ISM1: variants seen among roughly 807,000 people sequenced by gnomAD.
The protein encoded by ISM1 is isthmin-1.
In ISM1, 25 loss-of-function variants were observed where a neutral mutation model predicts 46.3. The observed-to-expected ratio is 0.54, with a 90% CI of 0.39 to 0.75. The LOEUF (loss-of-function observed/expected upper bound fraction) is 0.75, where lower values mean the gene tolerates loss of function less well. Ranked by LOEUF, ISM1 falls within the 30% of genes least tolerant of loss-of-function variation. ISM1 has a pLI of 0.00. For missense variants in ISM1, 536 were observed against 625.4 expected (o/e 0.86, Z 1.52); for synonymous variants, 255 against 256.7 (o/e 0.99, Z 0.06).
At chr20:13,246,212 G>T (rs1049740212) in intron 1 of ISM1, among the ~76,000 whole-genome samples, 10 of 151,418 alleles carry the variant, frequency 6.6e-5, no homozygotes, top group African/African-American at 2.4e-4. Context: ...GGCGGAGGTT[G>T]CAGTGAGCCA....
At chr20:13,297,950 A>T (rs2040422389) in intron 5 of ISM1, among the ~76,000 whole-genome samples, 1 of 152,162 alleles carries the variant, frequency 6.6e-6, no homozygotes, top group Admixed American at 6.5e-5. Context: ...GTGAATTTGC[A>T]GACAGCGATG....
At position 13,292,395 on chromosome 20, in the gene ISM1, C is replaced by T; in HGVS notation, c.809C>T (p.Thr270Ile). ...NCPGIEDTFR[T>I]AATEVSLLAG... ...TTAGGAATTGAAGACACTTTTAGGA[C>T]AGCTGCCACCGAAGTGAGTCTGCTT... Residue 270 changes from threonine to isoleucine, a missense_variant, in exon 5 of 6, where the codon ACA becomes ATA. By Grantham distance (89) the Thr-to-Ile change is moderately conservative. Around this residue, in one of 2 missense-constraint regions of ISM1, gnomAD observed 367 missense variants for 376.1 expected, o/e 0.98. Transcript: ENST00000262487. The T allele has an allele frequency of 6.2e-7, 1 of 1,604,968 alleles. No homozygotes were observed. Among genetic ancestry groups the T allele is most frequent in the South Asian group, 1.1e-5 (1 of 88,880 alleles).
intron 1 of ISM1, among the ~76,000 whole-genome samples, chr20:13,242,760 T>C (rs1024814582): frequency 6.6e-6 from 1 of 152,156 alleles, no homozygotes; most frequent in Non-Finnish European, 1.5e-5. Flanking sequence ...ACTTGAGCCT[T>C]GATAGGTGAG....
chr20:13,317,814 G>A, the ISM1 span, among the ~76,000 whole-genome samples: 1 of 152,024 alleles, frequency 6.6e-6, no homozygotes, highest in African/African-American at 2.4e-5. Context: ...AGACCTAAAT[G>A]TGAAACATAA....
chr20:13,247,746 G>T (rs1008824740), intron 1 of ISM1, among the ~76,000 whole-genome samples: 2 of 152,152 alleles, frequency 1.3e-5, no homozygotes, highest in African/African-American at 4.8e-5. Flanking sequence ...ACCTGACCAC[G>T]ACAGGAAGTG....
chr20:13,312,630 C>T, the ISM1 span, among the ~76,000 whole-genome samples: 1 of 152,190 alleles, frequency 6.6e-6, no homozygotes, highest in Non-Finnish European at 1.5e-5. Flanking sequence ...TGCTCTCCTG[C>T]CTCTGGGGCC....
At chr20:13,266,523 T>C (rs1240976027) in intron 1 of ISM1, among the ~76,000 whole-genome samples, 2 of 152,122 alleles carry the variant, frequency 1.3e-5, no homozygotes, top group African/African-American at 2.4e-5. Context: ...TGCTGCAGCA[T>C]TGTCAATGTT....
intron 5 of ISM1, among the ~76,000 whole-genome samples, chr20:13,297,322 G>T (rs2123333738): frequency 6.6e-6 from 1 of 152,256 alleles, no homozygotes; most frequent in Middle Eastern, 3.4e-3. Context: ...TCTCTATGCG[G>T]TTTCCCAGAT....
At chr20:13,264,098 C>T (rs1166405142) in intron 1 of ISM1, among the ~76,000 whole-genome samples, 12 of 152,134 alleles carry the variant, frequency 7.9e-5, no homozygotes, top group Admixed American at 2.6e-4. Flanking sequence ...TTATCATCAA[C>T]TAGTACTTAT....
intron 1 of ISM1, among the ~76,000 whole-genome samples, chr20:13,255,473 A>C (rs2039916708): frequency 6.6e-6 from 1 of 152,188 alleles, no homozygotes; most frequent in African/African-American, 2.4e-5. Flanking sequence ...TATATGGTAG[A>C]GAAGTAATGA....
At chr20:13,268,252 C>T (rs192075823) in intron 1 of ISM1, among the ~76,000 whole-genome samples, 61 of 151,072 alleles carry the variant, frequency 4.0e-4, no homozygotes, top group African/African-American at 1.3e-3. Flanking sequence ...CTTCTCTTCA[C>T]TCCTCTTCTC....
chr20:13,260,386 A>G (rs988207813), intron 1 of ISM1, among the ~76,000 whole-genome samples: 4 of 152,234 alleles, frequency 2.6e-5, no homozygotes, highest in Admixed American at 1.3e-4. Flanking sequence ...TTACCAAAAA[A>G]GCACCTGTCA....
intron 1 of ISM1, among the ~76,000 whole-genome samples, chr20:13,223,636 T>C (rs1455332109): frequency 6.6e-6 from 1 of 152,212 alleles, no homozygotes; most frequent in Non-Finnish European, 1.5e-5. Context: ...GAGACATTTC[T>C]AAAAATGTCC....
chr20:13,277,416 T>TCTACAGG (rs199593342), intron 2 of ISM1, among the ~76,000 whole-genome samples: 3 of 92,704 alleles, frequency 3.2e-5, no homozygotes, highest in African/African-American at 1.3e-4. Flanking sequence ...CTCAGTTCCC[T>TCTACAGG]CAGATGGGGC....
At chr20:13,283,848 A>G (rs1218556947) in intron 3 of ISM1, among the ~76,000 whole-genome samples, 3 of 152,198 alleles carry the variant, frequency 2.0e-5, no homozygotes, top group Non-Finnish European at 4.4e-5. Context: ...AATAGATTTC[A>G]CAGTGATTTT....
At chr20:13,325,186 G>A in the ISM1 span, among the ~76,000 whole-genome samples, 5 of 152,190 alleles carry the variant, frequency 3.3e-5, no homozygotes, top group African/African-American at 1.2e-4. Flanking sequence ...GGATGGCCCT[G>A]GAGTGTCTCC....
intron 3 of ISM1, among the ~76,000 whole-genome samples, chr20:13,280,683 C>T (rs565906991): frequency 1.3e-5 from 2 of 152,164 alleles, no homozygotes; most frequent in African/African-American, 4.8e-5. Flanking sequence ...GGAACACACA[C>T]TCGTAAGGCC....
At chr20:13,248,331 T>C (rs2039826225) in intron 1 of ISM1, among the ~76,000 whole-genome samples, 1 of 152,190 alleles carries the variant, frequency 6.6e-6, no homozygotes, top group Non-Finnish European at 1.5e-5. Flanking sequence ...TGCTGGTGTG[T>C]GAACTGTCTT....
In ISM1 at chr20:13,279,827, A is replaced by AC. The variant is rs762230866; in HGVS notation, c.579dup (p.Arg194GlnfsTer14). 5 of 1,613,288 alleles carry AC rather than the reference A, an allele frequency of 3.1e-6. No individual in the cohort carries two copies. Among genetic ancestry groups the AC allele is most frequent in the East Asian group, 2.2e-5 (1 of 44,860 alleles). ...ACCTCAGACGACAGCAACTTCCTCAACCCCCCCAGGGGGTGGGACCATACA... is the reference window on the plus strand; with the variant it reads ...ACCTCAGACGACAGCAACTTCCTCAACCCCCCCCAGGGGGTGGGACCATACA... On this transcript the variant is annotated frameshift_variant, in exon 3 of 6. Transcript: ENST00000262487. LOFTEE classifies it high-confidence loss of function.
Sources: gnomAD v4.1 joint callset for allele counts (sites outside exome capture counted in the v4.1 genomes callset) on GRCh38, gnomAD v4.1.1 for gene constraint, gnomAD v4.1.1 regional missense constraint, MANE v1.5 for transcripts, NCBI Gene and HGNC (gene_info 2026-07-23, HGNC 2026-07-21) for gene names.